The following FAM217A variants were observed in gnomAD, a reference collection of about 807,000 sequenced individuals.
FAM217A encodes the protein protein FAM217A.
Under a neutral mutation model 18.5 loss-of-function variants are expected in FAM217A, and 13 were observed. The observed-to-expected ratio is 0.70, with a 90% CI of 0.46 to 1.12. The LOEUF is 1.12. Ranked by LOEUF, FAM217A falls within the 50% of genes most tolerant of loss-of-function variation. The probability of loss-of-function intolerance (pLI) is 0.00; values close to 1 mark genes in which losing one functional copy is unlikely to be tolerated. For synonymous variants in FAM217A, 161 were observed against 202.8 expected, an observed-to-expected ratio of 0.79 and a Z score of 1.75; for missense variants, 560 against 575.4, an observed-to-expected ratio of 0.97 and a Z score of 0.27.
At chr6:4,083,631 A>G (rs1347368882), upstream of FAM217A, among the ~76,000 whole-genome samples, 1 of 97,434 alleles carries the variant, frequency 1.0e-5, no homozygotes, top group Non-Finnish European at 2.1e-5. Flanking sequence ...AGCTCACTGC[A>G]ACCTCTGTCT....
At chr6:4,079,220 C>T (rs1417857735), upstream of FAM217A, 1 of 250,584 alleles carries the variant, frequency 4.0e-6, no homozygotes, top group Admixed American at 5.6e-5. Context: ...TATTCGCGGG[C>T]CGCGGGGTCG....
intron 6 of FAM217A, 148 bp from the exon 7 acceptor site, chr6:4,070,068 TGTTA>T (rs1272197775): frequency 5.3e-6 from 3 of 565,130 alleles, no homozygotes; most frequent in East Asian, 3.0e-5. Context: ...AACAGAAATA[TGTTA>T]GTTTCCAAAA....
chr6:4,083,447 T>C (rs1301112598), upstream of FAM217A, among the ~76,000 whole-genome samples: 1 of 152,242 alleles, frequency 6.6e-6, no homozygotes. Context: ...CCTTTTGATA[T>C]TACCCATGCA....
chr6:4,083,986 T>C (rs1214435653), upstream of FAM217A, among the ~76,000 whole-genome samples: 2 of 152,242 alleles, frequency 1.3e-5, no homozygotes, highest in Non-Finnish European at 2.9e-5. Flanking sequence ...ATTTCAATTA[T>C]GGGCAATCTG....
chr6:4,079,865 T>A (rs535852483), upstream of FAM217A, among the ~76,000 whole-genome samples: 2 of 152,320 alleles, frequency 1.3e-5, no homozygotes, highest in South Asian at 4.1e-4. Flanking sequence ...TTTTTTCTTT[T>A]TTCATGTAGA....
intron 1 of FAM217A, among the ~76,000 whole-genome samples, chr6:4,085,635 A>G (rs1416218463): frequency 2.0e-5 from 3 of 152,166 alleles, no homozygotes; most frequent in Non-Finnish European, 4.4e-5. Flanking sequence ...AGCTGGGGAT[A>G]TGTCTTCCGG....
rs1769558599 is a variant in FAM217A, at chr6:4,073,509, TATAAGGCA to T, written c.160-10_160-3del. The T allele has an allele frequency of 1.6e-5, 25 of 1,612,264 alleles. No homozygotes were observed. The highest frequency in any genetic ancestry group is 2.0e-5 in the Non-Finnish European group (24 of 1,179,018). ...CTCCACTGGAATTTCCAAATAGTTC[TATAAGGCA>T]GCAGAAGACTTTTAAACATAATATA... On this transcript the variant is annotated splice_polypyrimidine_tract_variant and splice_region_variant and intron_variant, in intron 4 of 6. Transcript: ENST00000274673.
intron 2 of FAM217A, 43 bp downstream of exon 2, chr6:4,077,312 G>A (rs1769880475): frequency 5.0e-6 from 8 of 1,603,592 alleles, no homozygotes; most frequent in Non-Finnish European, 6.8e-6. Flanking sequence ...TTAGCAACAG[G>A]AGCCGCTGCC....
At chr6:4,078,434 T>C (rs1363265001) in intron 1 of FAM217A, among the ~76,000 whole-genome samples, 1 of 152,172 alleles carries the variant, frequency 6.6e-6, no homozygotes, top group African/African-American at 2.4e-5. Context: ...GAAAAGTGTA[T>C]GAAGAAATAG....
chr6:4,076,298 C>T (rs1769789173), intron 2 of FAM217A, among the ~76,000 whole-genome samples: 1 of 145,974 alleles, frequency 6.9e-6, no homozygotes, highest in Admixed American at 6.9e-5. Context: ...CACTGCACTC[C>T]ACCCTGGGTG....
chr6:4,076,974 T>C (rs547211586), intron 2 of FAM217A, among the ~76,000 whole-genome samples: 3 of 152,286 alleles, frequency 2.0e-5, no homozygotes, highest in Admixed American at 6.5e-5. Context: ...AGTCTGACAG[T>C]TTGCAAATTT....
chr6:4,079,600 C>A, upstream of FAM217A: 1 of 1,288,336 alleles, frequency 7.8e-7, no homozygotes, highest in Non-Finnish European at 1.0e-6. Flanking sequence ...GCCAGTGGGC[C>A]TCTGGGACCC....
intron 2 of FAM217A, chr6:4,084,508 C>G (rs1770510975): frequency 1.5e-6 from 1 of 681,708 alleles, no homozygotes; most frequent in Non-Finnish European, 2.7e-6. Flanking sequence ...TACTCTGTAA[C>G]TCTATTTTCC....
chr6:4,084,502 C>A, intron 2 of FAM217A: 1 of 677,936 alleles, frequency 1.5e-6, no homozygotes, highest in Non-Finnish European at 2.7e-6. Flanking sequence ...TGCCTATACT[C>A]TGTAACTCTA....
upstream of FAM217A, chr6:4,079,617 C>CCGG: frequency 7.8e-7 from 1 of 1,283,910 alleles, no homozygotes; most frequent in Non-Finnish European, 1.0e-6. Context: ...ACCCGGGGCC[C>CCGG]GGCCCACCCG....
rs1310364206 is a variant in FAM217A, at chr6:4,069,261, G to T, written c.962C>A (p.Pro321His). 5 of 1,614,014 alleles carry T rather than the reference G, an allele frequency of 3.1e-6. No individual in the cohort carries two copies. The highest frequency in any genetic ancestry group is 1.3e-5 in the African/African-American group (1 of 74,908). The change falls in exon 7 of 7, where the codon CCC (proline) becomes CAC (histidine). Residue 321 changes from proline to histidine, a missense_variant. Pro to His is a moderately conservative substitution (Grantham distance 77, BLOSUM62 -2). Transcript: ENST00000274673. ...TTTTGGTGTAGCTTTGGAGGAAGAG[G>T]GTCGTTCAGTAACTGCTGGAGTACA... The part of the protein sequence containing the change: ...TFCTPAVTER[P>H]SSSKATPKVR...
intron 1 of FAM217A, among the ~76,000 whole-genome samples, chr6:4,085,104 A>G (rs1770558559): frequency 6.6e-6 from 1 of 152,164 alleles, no homozygotes; most frequent in Non-Finnish European, 1.5e-5. Flanking sequence ...ACACAATGAA[A>G]GCATTTGTTC....
chr6:4,069,154 A>G lies in FAM217A; in HGVS notation c.1069T>C (p.Ser357Pro), dbSNP rs150020195. The change falls in exon 7 of 7, where the codon TCT becomes CCT. Residue 357 changes from serine to proline, a missense_variant. Ser to Pro is a moderately conservative substitution (Grantham distance 74). Transcript: ENST00000274673. ...TTTTGTTCAAGCTTACAAGAACCAGAGTTGTTTTTACTTTTTTCTTGACTT... is the reference window on the plus strand; with the variant it reads ...TTTTGTTCAAGCTTACAAGAACCAGGGTTGTTTTTACTTTTTTCTTGACTT... ...DKSQEKSKNN[S>P]GSCKLEQNAL... 1.7e-4 allele frequency: 274 copies of G among 1,614,030 alleles called. No individual in the cohort carries two copies. In the African/African-American group the frequency reaches 3.3e-3, roughly 20 times the overall value.
upstream of FAM217A, among the ~76,000 whole-genome samples, chr6:4,083,783 AC>A: frequency 6.6e-6 from 1 of 152,014 alleles, no homozygotes; most frequent in South Asian, 2.1e-4. Flanking sequence ...CAAACTCCTG[AC>A]CTCAGGTGGT....
Sources: allele counts gnomAD v4.1 joint callset (sites outside exome capture counted in the v4.1 genomes callset), GRCh38; gene constraint gnomAD v4.1.1; transcripts MANE v1.5; gene names NCBI Gene and HGNC (gene_info 2026-07-23, HGNC 2026-07-21).